The following MMP16 variants were observed in gnomAD, a reference collection of about 807,000 sequenced individuals.
MMP16 encodes the protein matrix metalloproteinase-16.
MMP16 carries 12 observed loss-of-function variants against 67.8 expected under a neutral mutation model. The ratio of observed to expected loss-of-function variants is 0.18; its 90% confidence interval spans 0.11 to 0.29. The LOEUF is 0.29. MMP16 is among the 10% of genes least tolerant of loss of function. The probability of loss-of-function intolerance (pLI) is 1.00; values close to 1 mark genes in which losing one functional copy is unlikely to be tolerated. For synonymous variants in MMP16, 249 were observed against 255.9 expected (o/e 0.97, Z 0.26); for missense variants, 475 against 765.7 (o/e 0.62, Z 4.48).
At chr8:88,144,323 G>A (rs1808257917) in intron 4 of MMP16, among the ~76,000 whole-genome samples, 1 of 151,360 alleles carries the variant, frequency 6.6e-6, no homozygotes, top group Non-Finnish European at 1.5e-5. Flanking sequence ...TCAGGCAGTT[G>A]GCATACAAAA....
chr8:88,295,133 G>A (rs911521487), intron 1 of MMP16, among the ~76,000 whole-genome samples: 1 of 152,152 alleles, frequency 6.6e-6, no homozygotes, highest in African/African-American at 2.4e-5. Flanking sequence ...GCACACTTGG[G>A]ATATGGCATA....
chr8:88,174,896 C>A (rs1041013325), intron 3 of MMP16, among the ~76,000 whole-genome samples: 1 of 151,768 alleles, frequency 6.6e-6, no homozygotes. Flanking sequence ...AGGGATAAAA[C>A]GCACGCGCCA....
Position 88,148,731 on chromosome 8 carries a change from T to C in MMP16, c.709+18938A>G, listed in dbSNP as rs1037943849. 3.8e-5 allele frequency among the ~76,000 whole-genome samples: 5 copies of C among 130,550 alleles called. No individual in the cohort carries two copies. The South Asian group carries it at 7.3e-4, about 19-fold the overall frequency. 85.6% of individuals were successfully genotyped at this position (130,550 alleles called of 152,430 possible). On this transcript the variant is annotated intron_variant, in intron 4 of 9. Transcript: ENST00000286614. ...GTACATTATTGCTTATCTATTTCTT[T>C]AGTAGTAAGAAGAATCTCTGGAATA...
intron 4 of MMP16, among the ~76,000 whole-genome samples, chr8:88,166,688 CATATATATATAT>C (rs1166566212): frequency 0.097 from 5,677 of 58,418 alleles, 254 homozygotes; most frequent in South Asian, 0.12. Flanking sequence ...CAAAAAATTA[CATATATATATAT>C]ATATATATAT....
chr8:88,299,361 T>C (rs1563588493), intron 1 of MMP16, among the ~76,000 whole-genome samples: 1 of 152,176 alleles, frequency 6.6e-6, no homozygotes, highest in Non-Finnish European at 1.5e-5. Context: ...CTTTAATTAA[T>C]GCTAGCATCG....
At position 88,148,667 on chromosome 8, in the gene MMP16, T is replaced by C. The variant is rs571025200; in HGVS notation, c.709+19002A>G. The stretch of plus-strand genomic sequence containing the variant: ...CTGTTTTACTGATCATTTGGAGATA[T>C]CCTTACTGAATGTGATGTCAAAATA... On this transcript the variant is annotated intron_variant, in intron 4 of 9. Transcript: ENST00000286614. 2.6e-5 allele frequency among the ~76,000 whole-genome samples: 4 copies of C among 152,352 alleles called. No individual in the cohort carries two copies. The South Asian group carries it at 6.2e-4, about 24-fold the overall frequency.
chr8:88,176,830 A>G (rs1213393031), intron 3 of MMP16, among the ~76,000 whole-genome samples: 1 of 152,180 alleles, frequency 6.6e-6, no homozygotes, highest in Non-Finnish European at 1.5e-5. Flanking sequence ...ATTGTTTTAA[A>G]GTAAGTCTTC....
chr8:88,196,424 A>G (rs1809257987), intron 2 of MMP16, among the ~76,000 whole-genome samples: 1 of 152,176 alleles, frequency 6.6e-6, no homozygotes, highest in Non-Finnish European at 1.5e-5. Context: ...TCTATGCAGA[A>G]GATAAGAATT....
intron 1 of MMP16, among the ~76,000 whole-genome samples, chr8:88,201,703 T>A (rs1809347475): frequency 6.6e-6 from 1 of 152,124 alleles, no homozygotes; most frequent in Non-Finnish European, 1.5e-5. Context: ...CTTCTCAATG[T>A]TATAAAACAT....
intron 3 of MMP16, among the ~76,000 whole-genome samples, chr8:88,182,776 C>T (rs1163041229): frequency 1.3e-5 from 2 of 152,050 alleles, no homozygotes; most frequent in Admixed American, 1.3e-4. Context: ...TACTGGCCTT[C>T]TTCATAATTT....
At chr8:88,118,397 T>C (rs1359527238) in intron 5 of MMP16, among the ~76,000 whole-genome samples, 1 of 152,100 alleles carries the variant, frequency 6.6e-6, no homozygotes, top group Non-Finnish European at 1.5e-5. Context: ...TACATATTTT[T>C]ACCTGAATTT....
chr8:88,163,930 G>T (rs1289809108), intron 4 of MMP16, among the ~76,000 whole-genome samples: 4 of 151,922 alleles, frequency 2.6e-5, no homozygotes. Context: ...TTTGTATTAG[G>T]GTTGTGTATA....
At chr8:88,267,571 T>C (rs908341625) in intron 1 of MMP16, among the ~76,000 whole-genome samples, 1 of 152,250 alleles carries the variant, frequency 6.6e-6, no homozygotes, top group African/African-American at 2.4e-5. Context: ...AGTGGGCACC[T>C]ACTAAATGCT....
chr8:88,193,576 A>G (rs372161994), intron 2 of MMP16, among the ~76,000 whole-genome samples: 1 of 152,124 alleles, frequency 6.6e-6, no homozygotes, highest in South Asian at 2.1e-4. Flanking sequence ...ATATTTAACT[A>G]AAAGAGTAAG....
At chr8:88,174,853 C>A (rs1808861205) in intron 3 of MMP16, among the ~76,000 whole-genome samples, 1 of 151,704 alleles carries the variant, frequency 6.6e-6, no homozygotes, top group Non-Finnish European at 1.5e-5. Context: ...CTTCCGGGTT[C>A]AAGCAATTCT....
chr8:88,135,362 G>A (rs1808101107), intron 4 of MMP16, among the ~76,000 whole-genome samples: 1 of 151,704 alleles, frequency 6.6e-6, no homozygotes, highest in South Asian at 2.1e-4. Context: ...ATAAAATAAG[G>A]TCCCAGTTTA....
intron 1 of MMP16, among the ~76,000 whole-genome samples, chr8:88,300,088 G>T (rs981864817): frequency 4.6e-5 from 7 of 152,178 alleles, no homozygotes; most frequent in Non-Finnish European, 8.8e-5. Flanking sequence ...CAGACCACAT[G>T]TAAGTGGTAT....
chr8:88,267,437 T>G (rs1382886593), intron 1 of MMP16, among the ~76,000 whole-genome samples: 1 of 152,220 alleles, frequency 6.6e-6, no homozygotes, highest in Non-Finnish European at 1.5e-5. Flanking sequence ...AGGGGCCTGC[T>G]AATATAACAC....
chr8:88,248,993 A>T (rs538269022), intron 1 of MMP16, among the ~76,000 whole-genome samples: 1 of 152,124 alleles, frequency 6.6e-6, no homozygotes, highest in South Asian at 2.1e-4. Context: ...AAACAAACAA[A>T]CAAAAAAGGC....
Sources: gnomAD v4.1 joint callset for allele counts (sites outside exome capture counted in the v4.1 genomes callset) on GRCh38, gnomAD v4.1.1 for gene constraint, MANE v1.5 for transcripts, NCBI Gene and HGNC (gene_info 2026-07-23, HGNC 2026-07-21) for gene names.